The following ANO5 variants were observed in gnomAD, a reference collection of about 807,000 sequenced individuals.
The protein encoded by ANO5 is anoctamin 5.
Under a neutral mutation model 121.0 loss-of-function variants are expected in ANO5, and 109 were observed. The observed-to-expected ratio is 0.90, with a 90% CI of 0.77 to 1.06. ANO5 has a LOEUF of 1.06. Ranked by LOEUF, ANO5 falls within the 50% of genes least tolerant of loss-of-function variation. ANO5 has a pLI of 0.00. For missense variants in ANO5, 1,064 were observed against 1,078.5 expected, an observed-to-expected ratio of 0.99 and a Z score of 0.19; for synonymous variants, 406 against 359.9, an observed-to-expected ratio of 1.13 and a Z score of -1.45.
intron 15 of ANO5, among the ~76,000 whole-genome samples, chr11:22,261,052 A>C (rs1854171790): frequency 1.3e-5 from 2 of 152,196 alleles, no homozygotes; most frequent in Non-Finnish European, 2.9e-5. Flanking sequence ...TGCCCTTGAC[A>C]TGAGCTTACT....
chr11:22,194,082 T>C (rs1782515169), intron 1 of ANO5, among the ~76,000 whole-genome samples: 2 of 152,212 alleles, frequency 1.3e-5, no homozygotes, highest in South Asian at 4.1e-4. Context: ...CTGAGAGCCA[T>C]AGGCACTTGG....
chr11:22,219,939 TC>T (rs987279481), intron 4 of ANO5, among the ~76,000 whole-genome samples: 37 of 151,426 alleles, frequency 2.4e-4, no homozygotes, highest in African/African-American at 9.0e-4. Context: ...ACACATTTCT[TC>T]CTGTGCATTG....
intron 17 of ANO5, among the ~76,000 whole-genome samples, chr11:22,267,175 T>C (rs574300732): frequency 3.3e-5 from 5 of 152,224 alleles, no homozygotes; most frequent in Admixed American, 2.0e-4. Flanking sequence ...TAAAAAGTTA[T>C]ATGGAAACAC....
chr11:22,202,442 C>A (rs1590213846), intron 1 of ANO5, among the ~76,000 whole-genome samples: 1 of 117,384 alleles, frequency 8.5e-6, no homozygotes, highest in South Asian at 3.4e-4. Flanking sequence ...AAAAGCTATA[C>A]AAATGGTAGA....
chr11:22,260,010 C>T (rs577223492), intron 15 of ANO5, among the ~76,000 whole-genome samples: 1 of 150,922 alleles, frequency 6.6e-6, no homozygotes, highest in South Asian at 2.1e-4. Context: ...CTTAATTCTC[C>T]CTTGATGGGT....
chr11:22,236,017 T>C, intron 7 of ANO5, 146 bp from the exon 8 acceptor site: 1 of 653,168 alleles, frequency 1.5e-6, no homozygotes. Flanking sequence ...TCACTCTACA[T>C]CTTCCTGACA....
chr11:22,256,760 T>C (rs1017296762), intron 13 of ANO5, among the ~76,000 whole-genome samples: 2 of 152,030 alleles, frequency 1.3e-5, no homozygotes, highest in African/African-American at 4.8e-5. Flanking sequence ...GTTTTTTACT[T>C]ATTGCAGTGC....
At chr11:22,238,722 TTTTA>T (rs1390751655) in intron 8 of ANO5, among the ~76,000 whole-genome samples, 3 of 152,126 alleles carry the variant, frequency 2.0e-5, no homozygotes, top group African/African-American at 4.8e-5. Flanking sequence ...CTAAATTTTA[TTTTA>T]TTTATTTTTT....
At chr11:22,214,364 T>C (rs551668704) in intron 3 of ANO5, among the ~76,000 whole-genome samples, 3 of 152,052 alleles carry the variant, frequency 2.0e-5, no homozygotes, top group Admixed American at 6.6e-5. Flanking sequence ...CAGGGAAGTT[T>C]GGTTTTTTTT....
At chr11:22,222,350 A>G (rs1299982772) in intron 5 of ANO5, among the ~76,000 whole-genome samples, 1 of 151,870 alleles carries the variant, frequency 6.6e-6, no homozygotes. Flanking sequence ...TCATACTTAG[A>G]TGATTATTTT....
chr11:22,218,540 C>T (rs1397998898), intron 4 of ANO5, among the ~76,000 whole-genome samples: 1 of 151,996 alleles, frequency 6.6e-6, no homozygotes, highest in Non-Finnish European at 1.5e-5. Flanking sequence ...GGTTTATGAA[C>T]TCTCATCAGG....
At chr11:22,246,302 T>A (rs895182196) in intron 9 of ANO5, among the ~76,000 whole-genome samples, 4 of 152,146 alleles carry the variant, frequency 2.6e-5, no homozygotes, top group Non-Finnish European at 2.9e-5. Context: ...TTAGCTGTGT[T>A]TCTTTATGTT....
chr11:22,218,262 A>G lies in ANO5; in HGVS notation c.155A>G (p.Asn52Ser), dbSNP rs143777403. Residue 52 changes from asparagine (N) to serine (S), a missense_variant, in exon 4 of 22, where the codon AAT (asparagine) becomes AGT (serine). By Grantham distance (46) the Asn-to-Ser change is conservative. Coordinates refer to ENST00000324559, the MANE Select transcript of ANO5 (RefSeq NM_213599.3). ...NEETMPAKRF[N>S]LFLRRRLMFQ... ...GCTTCACAGCCTGCAAAGCGATTCA[A>G]TTTGTTCCTGAGGCGGCGGCTTATG... 4,400 of 1,613,408 alleles carry G rather than the reference A, an allele frequency of 2.7e-3. 9 individuals carry two copies. Among genetic ancestry groups the G allele is most frequent in the Middle Eastern group, 4.3e-3 (26 of 6,054 alleles).
intron 20 of ANO5, 48 bp from the exon 21 acceptor site, chr11:22,276,046 C>A (rs376290790): frequency 4.0e-6 from 5 of 1,248,040 alleles, no homozygotes; most frequent in African/African-American, 3.2e-5. Flanking sequence ...CTAGTTGAAG[C>A]TATAACTATT....
In ANO5 at chr11:22,272,976, C is replaced by T. The variant is rs1216567128; in HGVS notation, c.2222C>T (p.Ser741Phe). The T allele has an allele frequency of 4.3e-6, 7 of 1,613,772 alleles. No individual in the cohort carries two copies. Among genetic ancestry groups the T allele is most frequent in the African/African-American group, 1.3e-5 (1 of 74,846 alleles). ...QDILYGMAVLSVATNAFIVAF... is the reference protein window; with the variant it reads ...QDILYGMAVLFVATNAFIVAF... ...ATTCTTTATGGAATGGCTGTCCTTT[C>T]TGTTGCAACTAATGTAAGTGGACCT... The change falls in exon 19 of 22, where the codon TCT becomes TTT. Residue 741 changes from serine to phenylalanine, a missense_variant. Physicochemically the swap from Ser to Phe is radical, Grantham distance 155 (BLOSUM62 -2). Coordinates refer to ENST00000324559, the MANE Select transcript of ANO5 (RefSeq NM_213599.3).
chr11:22,200,696 C>T (rs906043737), intron 1 of ANO5, among the ~76,000 whole-genome samples: 7 of 152,002 alleles, frequency 4.6e-5, no homozygotes, highest in Admixed American at 1.3e-4. Context: ...CCAGTGCAAA[C>T]GTCAACAGAA....
intron 20 of ANO5, among the ~76,000 whole-genome samples, chr11:22,275,336 A>C (rs1324518574): frequency 6.6e-6 from 1 of 151,580 alleles, no homozygotes; most frequent in Non-Finnish European, 1.5e-5. Flanking sequence ...ACACACGCTT[A>C]TCAAGGCCAC....
At position 22,227,302 on chromosome 11, in the gene ANO5, G is replaced by T. The variant is rs747631931; in HGVS notation, c.364G>T (p.Asp122Tyr). ...CTGTTTTGCCTTTTTTTTAATGCAG[G>T]ACTCGGAAGATGGAAGAACTTATTT... ...GLELEIEDKR[D>Y]SEDGRTYFVK... The change falls in exon 7 of 22, where the codon GAC (aspartate) becomes TAC (tyrosine). Residue 122 changes from aspartate to tyrosine, a missense_variant and splice_region_variant. Physicochemically the swap from Asp to Tyr is radical, Grantham distance 160. Coordinates refer to ENST00000324559, the MANE Select transcript of ANO5 (RefSeq NM_213599.3). The T allele has an allele frequency of 1.2e-6, 2 of 1,612,778 alleles. No homozygotes were observed. The highest frequency in any genetic ancestry group is 1.3e-5 in the African/African-American group (1 of 74,606).
chr11:22,201,332 A>G (rs1851957462), intron 1 of ANO5, among the ~76,000 whole-genome samples: 1 of 152,218 alleles, frequency 6.6e-6, no homozygotes, highest in Admixed American at 6.5e-5. Flanking sequence ...TCTTTTGCGG[A>G]TAAAAAGATA....
Sources: allele counts gnomAD v4.1 joint callset (sites outside exome capture counted in the v4.1 genomes callset), GRCh38; gene constraint gnomAD v4.1.1; transcripts MANE v1.5; gene names NCBI Gene and HGNC (gene_info 2026-07-23, HGNC 2026-07-21).